Variants in SGSM1 observed in about 807,000 individuals in gnomAD.
SGSM1 encodes the protein RUN and TBC1 domain containing 2.
Under a neutral mutation model 133.8 loss-of-function variants are expected in SGSM1, and 73 were observed. The ratio of observed to expected loss-of-function variants is 0.55; its 90% CI spans 0.45 to 0.66. The LOEUF (loss-of-function observed/expected upper bound fraction) is 0.66. Among genes scored for constraint, SGSM1 ranks in the 30% least tolerant of loss-of-function variants. SGSM1 has a pLI of 0.00. For missense variants in SGSM1, 1,213 were observed against 1,448.1 expected, an observed-to-expected ratio of 0.84 and a Z score of 2.64; for synonymous variants, 563 against 573.0, an observed-to-expected ratio of 0.98 and a Z score of 0.25.
intron 2 of SGSM1, chr22:24,814,105 T>C (rs545674207): frequency 1.3e-5 from 2 of 152,294 alleles, no homozygotes; most frequent in South Asian, 4.1e-4. Flanking sequence ...TTGGCCAGTG[T>C]CACTCTCTGA....
intron 16 of SGSM1, among the ~76,000 whole-genome samples, chr22:24,893,069 A>G (rs893052761): frequency 6.9e-6 from 1 of 144,674 alleles, no homozygotes; most frequent in African/African-American, 2.5e-5. Context: ...AAAGGAAGGA[A>G]GGAAGGAAGC....
At chr22:24,874,055 G>C (rs751738603) in intron 12 of SGSM1, among the ~76,000 whole-genome samples, 1 of 152,264 alleles carries the variant, frequency 6.6e-6, no homozygotes, top group East Asian at 1.9e-4. Context: ...GACTAGATAC[G>C]TCTGTTACTG....
At chr22:24,854,113 C>G (rs1251748215) in intron 5 of SGSM1, among the ~76,000 whole-genome samples, 2 of 152,066 alleles carry the variant, frequency 1.3e-5, no homozygotes, top group Non-Finnish European at 2.9e-5. Flanking sequence ...AGATACAATT[C>G]AAGTTGGGAT....
At chr22:24,903,178 T>C (rs1485851576) in intron 20 of SGSM1, among the ~76,000 whole-genome samples, 1 of 152,180 alleles carries the variant, frequency 6.6e-6, no homozygotes, top group Non-Finnish European at 1.5e-5. Context: ...ATCTAATTGA[T>C]TGTATATTGT....
chr22:24,916,723 C>T (rs895632688), intron 22 of SGSM1, among the ~76,000 whole-genome samples: 11 of 151,830 alleles, frequency 7.2e-5, no homozygotes, highest in African/African-American at 1.7e-4. Context: ...GTTTTTATTA[C>T]GAGATAATAT....
intron 20 of SGSM1, among the ~76,000 whole-genome samples, chr22:24,904,183 A>G (rs1392531953): frequency 6.6e-6 from 1 of 152,042 alleles, no homozygotes; most frequent in East Asian, 1.9e-4. Context: ...ATCCATGGAC[A>G]TTTTTTAAAT....
At chr22:24,808,072 A>C (rs1381419574) in intron 2 of SGSM1, among the ~76,000 whole-genome samples, 2 of 151,382 alleles carry the variant, frequency 1.3e-5, no homozygotes, top group African/African-American at 4.9e-5. Flanking sequence ...GGGTATTCCA[A>C]GGGAGATCCA....
intron 10 of SGSM1, 126 bp downstream of exon 10, chr22:24,867,286 C>A: frequency 2.3e-6 from 2 of 877,606 alleles, no homozygotes; most frequent in African/African-American, 1.6e-5. Context: ...ACCTGTGCAA[C>A]CTTAGGCAAG....
At chr22:24,843,861 G>A (rs1929938168) in intron 2 of SGSM1, 1 of 152,204 alleles carries the variant, frequency 6.6e-6, no homozygotes, top group African/African-American at 2.4e-5. Context: ...TCTGTCTCGA[G>A]CTGGAACCTG....
chr22:24,864,486 T>C (rs199822993), intron 9 of SGSM1, among the ~76,000 whole-genome samples: 1 of 152,198 alleles, frequency 6.6e-6, no homozygotes, highest in Non-Finnish European at 1.5e-5. Flanking sequence ...AGAATATTAC[T>C]TGTCTATAAA....
chr22:24,895,225 C>G lies in SGSM1; in HGVS notation c.1956C>G (p.Ser652=). Residue 652 remains serine (S), a splice_region_variant and synonymous_variant, in exon 18 of 25, where the codon TCC becomes TCG. Transcript: ENST00000400358. ...CCTCCTGCTCTTTCTTTTCTCAGTC[C>G]TCCCAGAGCTGCAGTTCGGGCCGCC... The part of the protein sequence containing the change: ...LHRDSTISNE[S]SQSCSSGRQN... 1.2e-6 allele frequency: 2 copies of G among 1,608,800 alleles called. No individual in the cohort carries two copies. The highest frequency in any genetic ancestry group is 1.7e-6 in the Non-Finnish European group (2 of 1,177,930).
At chr22:24,923,088 A>C (rs745946431) in intron 24 of SGSM1, among the ~76,000 whole-genome samples, 1 of 152,134 alleles carries the variant, frequency 6.6e-6, no homozygotes, top group African/African-American at 2.4e-5. Flanking sequence ...TAGTGAGTCG[A>C]GATCACACCA....
chr22:24,921,694 C>G (rs1215524296), intron 24 of SGSM1, among the ~76,000 whole-genome samples: 6 of 148,588 alleles, frequency 4.0e-5, no homozygotes, highest in Non-Finnish European at 8.9e-5. Flanking sequence ...AAAAATAATA[C>G]ATATGTATCT....
At chr22:24,895,192 C>T (rs369697191) in intron 17 of SGSM1, 31 bp from the exon 18 acceptor site, 1,005 of 1,585,262 alleles carry the variant, frequency 6.3e-4, no homozygotes, top group Middle Eastern at 1.8e-3. Context: ...GCAGCCTCAC[C>T]CTCCCTCCCT....
chr22:24,838,176 T>G (rs1157823837), intron 2 of SGSM1, among the ~76,000 whole-genome samples: 1 of 152,226 alleles, frequency 6.6e-6, no homozygotes, highest in African/African-American at 2.4e-5. Context: ...CCAACACCAT[T>G]TGTTTTAAAG....
chr22:24,924,771 C>T lies in SGSM1; in HGVS notation c.*497C>T, dbSNP rs5996792. 0.21 allele frequency: 33,627 copies of T among 160,282 alleles called. 4,364 individuals carry two copies. The highest frequency in any genetic ancestry group is 0.57 in the East Asian group (3,145 of 5,550). The allele number at this position is 160,282 out of a possible 1,614,324, so 9.9% of individuals were successfully genotyped here. A position where few individuals can be genotyped will look rare whatever the true frequency, so the allele number is the denominator to read the frequency against. On this transcript the variant is annotated 3_prime_UTR_variant, in exon 25 of 25. Transcript: ENST00000400358. ...CTTAGAGATTGACCCTCCACCTCGA[C>T]ATTACTGACATTTGGGGCCAGGTGA... is the stretch of plus-strand genomic sequence containing the variant.
chr22:24,813,650 C>T (rs1339930041), intron 2 of SGSM1: 2 of 147,154 alleles, frequency 1.4e-5, no homozygotes, highest in East Asian at 1.9e-4. Context: ...CAGCCATATC[C>T]ACCCGATGCG....
chr22:24,828,682 T>A (rs1473092598), intron 2 of SGSM1, among the ~76,000 whole-genome samples: 1 of 152,194 alleles, frequency 6.6e-6, no homozygotes. Context: ...CTCAAAGACC[T>A]AAAGACAGAA....
intron 5 of SGSM1, among the ~76,000 whole-genome samples, chr22:24,854,443 A>G (rs1053581034): frequency 2.0e-5 from 3 of 152,190 alleles, no homozygotes; most frequent in Non-Finnish European, 4.4e-5. Flanking sequence ...TAAAGGCTCT[A>G]TCATGACCAT....
Sources: gnomAD v4.1 joint callset for allele counts (sites outside exome capture counted in the v4.1 genomes callset) on GRCh38, gnomAD v4.1.1 for gene constraint, MANE v1.5 for transcripts, NCBI Gene and HGNC (gene_info 2026-07-23, HGNC 2026-07-21) for gene names.